C2: variants seen among roughly 807,000 people sequenced by gnomAD.
C2 encodes complement C2, also known as C3/C5 convertase.
Under a neutral mutation model 85.2 loss-of-function variants are expected in C2, and 64 were observed. That is an observed-to-expected ratio of 0.75 (90% CI 0.61 to 0.92). The LOEUF is 0.92. Ranked by LOEUF, C2 falls within the 40% of genes least tolerant of loss-of-function variation. The pLI is 0.00. For missense variants in C2, 820 were observed against 971.6 expected, an observed-to-expected ratio of 0.84 and a Z score of 2.07; for synonymous variants, 311 against 370.8, an observed-to-expected ratio of 0.84 and a Z score of 1.85.
rs140133472 is a variant in C2, at chr6:31,943,063, A to G, written c.1324A>G (p.Thr442Ala). 8.1e-5 allele frequency: 130 copies of G among 1,613,098 alleles called. 1 individual carries two copies. In the African/African-American group the frequency reaches 1.7e-3, roughly 21 times the overall value. The stretch of plus-strand genomic sequence containing the variant: ...GAGGCATGCCTTCATTCTGCAGGAC[A>G]CAAAGGCTCTGCACCAGGTCTTTGA... ...GERHAFILQD[T>A]KALHQVFEHM... Residue 442 changes from threonine (T) to alanine (A), a missense_variant, in exon 10 of 18, where the codon ACA (threonine) becomes GCA (alanine). Coordinates refer to ENST00000299367, the MANE Select transcript of C2 (RefSeq NM_000063.6). This position sits in a 1 kb window ranked among gnomAD's most constrained non-coding sequence, Gnocchi z 6.4.
At chr6:31,901,894 G>A (rs1359656178) in intron 1 of C2, 2 of 148,792 alleles carry the variant, frequency 1.3e-5, no homozygotes, top group Admixed American at 1.3e-4. Flanking sequence ...CCCCCCCCGG[G>A]GCCGGCAGCG....
upstream of C2, among the ~76,000 whole-genome samples, chr6:31,917,135 C>T (rs1471567687): frequency 7.1e-5 from 10 of 141,248 alleles, no homozygotes; most frequent in Admixed American, 2.1e-4. Flanking sequence ...GGCACCACTG[C>T]ACTCCAGCCT....
chr6:31,917,598 G>T (rs1426161012), upstream of C2, among the ~76,000 whole-genome samples: 1 of 151,232 alleles, frequency 6.6e-6, no homozygotes, highest in Non-Finnish European at 1.5e-5. Flanking sequence ...TAAAATAAAA[G>T]TTGGAATTTT....
At chr6:31,915,438 A>G (rs1304566151), upstream of C2, among the ~76,000 whole-genome samples, 1 of 152,170 alleles carries the variant, frequency 6.6e-6, no homozygotes, top group Non-Finnish European at 1.5e-5. Context: ...AACCTTTCTG[A>G]TCTTCTAGAG....
At chr6:31,942,827 C>A (rs1770991409) in intron 9 of C2, 132 bp from the exon 10 acceptor site, 3 of 1,031,688 alleles carry the variant, frequency 2.9e-6, no homozygotes, top group Admixed American at 3.8e-5. Context: ...AGACAGGTAG[C>A]AGTGGGGAGG....
At position 31,944,715 on chromosome 6, in the gene C2, C is replaced by T; in HGVS notation, c.1903-12C>T. The T allele has an allele frequency of 1.2e-6, 2 of 1,613,044 alleles. No homozygotes were observed. Among genetic ancestry groups the T allele is most frequent in the Non-Finnish European group, 1.7e-6 (2 of 1,180,024 alleles). ...TATTCTACCCTTCTCTCTGGTTCCA[C>T]CCCTGCTGCAGTGGACAAGCTGTGC... On this transcript the variant is annotated splice_polypyrimidine_tract_variant and intron_variant, in intron 15 of 17. Coordinates refer to ENST00000299367, the MANE Select transcript of C2 (RefSeq NM_000063.6). This position sits in a 1 kb window ranked among gnomAD's most constrained non-coding sequence, Gnocchi z 5.1.
intron 1 of C2, among the ~76,000 whole-genome samples, chr6:31,902,564 C>G (rs1453976619): frequency 6.6e-6 from 1 of 152,248 alleles, no homozygotes; most frequent in African/African-American, 2.4e-5. Context: ...TAGCTATTAC[C>G]CACGCCTGCC....
chr6:31,900,391 C>T (rs1217416687), upstream of C2: 1 of 1,544,934 alleles, frequency 6.5e-7, no homozygotes, highest in Non-Finnish European at 8.7e-7. The surrounding 1 kb of genome is among the most constrained non-coding windows in gnomAD (Gnocchi z 9.7). Context: ...CCCCCGCCCC[C>T]CGGGCAGCCA....
chr6:31,899,645 C>A (rs1231782961), upstream of C2: 1 of 423,532 alleles, frequency 2.4e-6, no homozygotes. Context: ...CTTTTCCCTC[C>A]CTCCACATAT....
chr6:31,911,640 TTCTC>T (rs1768106337), intron 1 of C2, among the ~76,000 whole-genome samples: 1 of 151,644 alleles, frequency 6.6e-6, no homozygotes, highest in Non-Finnish European at 1.5e-5. Context: ...TTTTTTTTTT[TTCTC>T]TCTCTTTTTT....
Position 31,945,504 on chromosome 6 carries a change from C to G in C2, c.*147C>G. The G allele has an allele frequency of 1.3e-6, 1 of 788,228 alleles. No individual in the cohort carries two copies. The allele number at this position is 788,228 out of a possible 1,614,324, so 48.8% of individuals were successfully genotyped here. A position where few individuals can be genotyped will look rare whatever the true frequency, so the allele number is the denominator to read the frequency against. ...TCTAGGATGCCAGAGGCAGCGCACA[C>G]AAGCTGGGAAATCCTCAGGGCTCCT... is the stretch of plus-strand genomic sequence containing the variant. On this transcript the variant is annotated 3_prime_UTR_variant, in exon 18 of 18. Transcript: ENST00000299367. The surrounding 1 kb of genome is among the most constrained non-coding windows in gnomAD (Gnocchi z 5.3).
At chr6:31,927,189 T>TA (rs920137392), upstream of C2, among the ~76,000 whole-genome samples, 6 of 152,336 alleles carry the variant, frequency 3.9e-5, no homozygotes, top group African/African-American at 1.2e-4. This position sits in a 1 kb window ranked among gnomAD's most constrained non-coding sequence, Gnocchi z 4.7. Flanking sequence ...CAAGAAGTTC[T>TA]AAAAAAATTA....
At chr6:31,932,187 G>A (rs1175887892) in intron 3 of C2, among the ~76,000 whole-genome samples, 3 of 141,114 alleles carry the variant, frequency 2.1e-5, no homozygotes, top group African/African-American at 8.0e-5. Flanking sequence ...TCCCAGTAGG[G>A]GCGGCCGGGC....
upstream of C2, chr6:31,927,712 C>T (rs1769360969): frequency 2.5e-6 from 4 of 1,612,896 alleles, no homozygotes; most frequent in African/African-American, 1.3e-5. This position sits in a 1 kb window ranked among gnomAD's most constrained non-coding sequence, Gnocchi z 4.7. Context: ...CCTTTTCCCT[C>T]CCGCGGCTCT....
chr6:31,941,084 C>T (rs1271563783), intron 9 of C2: 1 of 152,224 alleles, frequency 6.6e-6, no homozygotes, highest in African/African-American at 2.4e-5. Context: ...AGGCCCTTCT[C>T]CCAGATGCTA....
intron 1 of C2, among the ~76,000 whole-genome samples, chr6:31,913,644 G>T (rs1768278521): frequency 6.6e-6 from 1 of 152,084 alleles, no homozygotes; most frequent in South Asian, 2.1e-4. Context: ...GTTAAGTAAA[G>T]GAGTTTACTC....
Position 31,934,147 on chromosome 6 carries a change from C to A in C2, c.716-19C>A. ...GAAGGAGGTGGGGATCTGAATCCTC[C>A]CCTTCCACATTTCTCCAGAAAGCCT... On this transcript the variant is annotated intron_variant, in intron 5 of 17. Coordinates refer to ENST00000299367, the MANE Select transcript of C2 (RefSeq NM_000063.6). The A allele has an allele frequency of 6.2e-7, 1 of 1,613,952 alleles. No homozygotes were observed. The highest frequency in any genetic ancestry group is 8.5e-7 in the Non-Finnish European group (1 of 1,179,836).
intron 7 of C2, chr6:31,936,511 CT>C (rs548102461): frequency 0.048 from 8,572 of 178,304 alleles, no homozygotes; most frequent in South Asian, 0.12. Context: ...TTTTCTTCTT[CT>C]TTTTTTTTTT....
chr6:31,917,398 C>A (rs528866224), upstream of C2, among the ~76,000 whole-genome samples: 1 of 152,032 alleles, frequency 6.6e-6, no homozygotes, highest in African/African-American at 2.4e-5. Flanking sequence ...AACCAAATGC[C>A]TAATGTTCTC....
Sources: allele counts gnomAD v4.1 joint callset (sites outside exome capture counted in the v4.1 genomes callset), GRCh38; gene constraint gnomAD v4.1.1; non-coding constraint Gnocchi (gnomAD v3.1); transcripts MANE v1.5; gene names NCBI Gene and HGNC (gene_info 2026-07-23, HGNC 2026-07-21).